Variants in SCRG1 observed in about 807,000 individuals in gnomAD.
SCRG1 encodes the protein stimulator of chondrogenesis 1.
A neutral mutation model predicts 7.7 loss-of-function variants in SCRG1; 3 were observed. That is an observed-to-expected ratio of 0.39 (90% confidence interval 0.18 to 1.01). The LOEUF is 1.01. SCRG1 is among the 50% of genes least tolerant of loss of function. SCRG1 has a pLI of 0.36. For missense variants in SCRG1, 110 were observed against 117.2 expected (o/e 0.94, Z 0.28); for synonymous variants, 46 against 41.2 (o/e 1.12, Z -0.44).
At chr4:173,506,800 C>T in the SCRG1 span, among the ~76,000 whole-genome samples, 1 of 152,150 alleles carries the variant, frequency 6.6e-6, no homozygotes, top group East Asian at 1.9e-4. This position sits in a 1 kb window ranked among gnomAD's most constrained non-coding sequence, Gnocchi z 5.3. Flanking sequence ...CATTCCGGGA[C>T]GGCGGTGTCT....
chr4:173,420,539 T>G, the SCRG1 span, among the ~76,000 whole-genome samples: 98 of 152,202 alleles, frequency 6.4e-4, no homozygotes, highest in African/African-American at 2.3e-3. Flanking sequence ...AACTATTGTG[T>G]CTGTTTATAC....
In SCRG1 at chr4:173,391,388, G is replaced by C; in HGVS notation, c.27C>G (p.Thr9=). The C allele has an allele frequency of 6.2e-7, 1 of 1,614,140 alleles. No individual in the cohort carries two copies. Among genetic ancestry groups the C allele is most frequent in the Non-Finnish European group, 8.5e-7 (1 of 1,180,028 alleles). MKLMVLVF[T]IGLTLLLGVQ... ...CTCCTAGCAGCAAAGTTAGCCCAAT[G>C]GTGAAAACAAGTACCATCAGTTTCA... is the stretch of plus-strand genomic sequence containing the variant. Residue 9 remains threonine (T), a synonymous_variant, in exon 2 of 3, where the codon ACC becomes ACG. Transcript: ENST00000296506.
chr4:173,440,116 G>A, the SCRG1 span, among the ~76,000 whole-genome samples: 1 of 152,178 alleles, frequency 6.6e-6, no homozygotes, highest in East Asian at 1.9e-4. Context: ...TGGCAAATGA[G>A]AAGCGCTACA....
chr4:173,473,747 C>G, the SCRG1 span, among the ~76,000 whole-genome samples: 1 of 152,188 alleles, frequency 6.6e-6, no homozygotes, highest in African/African-American at 2.4e-5. Flanking sequence ...GTTGCAGCCA[C>G]CACATCCCAG....
At chr4:173,484,093 C>CAATATAT in the SCRG1 span, among the ~76,000 whole-genome samples, 2 of 11,196 alleles carry the variant, frequency 1.8e-4, no homozygotes, top group African/African-American at 2.5e-4. Flanking sequence ...ATATAATATA[C>CAATATAT]CATATATAAT....
chr4:173,457,392 G>C, the SCRG1 span, among the ~76,000 whole-genome samples: 29 of 152,334 alleles, frequency 1.9e-4, 1 homozygote, highest in African/African-American at 7.0e-4. Context: ...GAAGATTCTG[G>C]AATAGAGCCA....
the SCRG1 span, among the ~76,000 whole-genome samples, chr4:173,414,815 C>T: frequency 6.6e-6 from 1 of 152,246 alleles, no homozygotes; most frequent in Non-Finnish European, 1.5e-5. Flanking sequence ...AACATCATCA[C>T]TTCAAGCACT....
chr4:173,415,338 T>C, the SCRG1 span, among the ~76,000 whole-genome samples: 1 of 152,192 alleles, frequency 6.6e-6, no homozygotes, highest in Non-Finnish European at 1.5e-5. Flanking sequence ...AGAACAGAGA[T>C]GCATTGTGTA....
chr4:173,419,639 C>T, the SCRG1 span: 4 of 733,294 alleles, frequency 5.5e-6, no homozygotes, highest in South Asian at 1.4e-5. Context: ...ACCAAGGAAT[C>T]GTTTGCTACT....
chr4:173,446,096 C>T, the SCRG1 span, among the ~76,000 whole-genome samples: 1 of 152,070 alleles, frequency 6.6e-6, no homozygotes, highest in African/African-American at 2.4e-5. Flanking sequence ...CTACAAAAAT[C>T]ATAAAGGATC....
the SCRG1 span, among the ~76,000 whole-genome samples, chr4:173,492,672 T>C: frequency 6.6e-6 from 1 of 152,198 alleles, no homozygotes; most frequent in Non-Finnish European, 1.5e-5. Flanking sequence ...GACTAGACAG[T>C]GGGCCATGGA....
At chr4:173,476,359 A>ATATATATATATATATATATATAT in the SCRG1 span, among the ~76,000 whole-genome samples, 24 of 24,272 alleles carry the variant, frequency 9.9e-4, no homozygotes, top group East Asian at 2.7e-3. Context: ...AGGGGGAAAA[A>ATATATATATATATATATATATAT]AAAAATATAT....
the SCRG1 span, among the ~76,000 whole-genome samples, chr4:173,497,731 C>T: frequency 8.5e-4 from 124 of 145,562 alleles, no homozygotes; most frequent in Admixed American, 1.5e-3. Context: ...AGTGCAGTGG[C>T]ACTGTGTCAG....
chr4:173,484,754 A>G, the SCRG1 span, among the ~76,000 whole-genome samples: 4,415 of 32,566 alleles, frequency 0.14, 77 homozygotes, highest in East Asian at 0.19. Context: ...TATATTATAT[A>G]CATATAATAC....
chr4:173,477,862 A>G, the SCRG1 span, among the ~76,000 whole-genome samples: 2 of 151,754 alleles, frequency 1.3e-5, no homozygotes, highest in African/African-American at 4.8e-5. Context: ...TTGACCTCTC[A>G]GTCTCAAGTG....
chr4:173,419,022 CAATGTCT>C, the SCRG1 span, among the ~76,000 whole-genome samples: 9 of 152,160 alleles, frequency 5.9e-5, no homozygotes, highest in African/African-American at 2.2e-4. Flanking sequence ...CATACTAATA[CAATGTCT>C]AATTTAACTA....
At chr4:173,421,969 A>T in the SCRG1 span, among the ~76,000 whole-genome samples, 1 of 152,246 alleles carries the variant, frequency 6.6e-6, no homozygotes, top group Non-Finnish European at 1.5e-5. Context: ...AATTGCAAGC[A>T]TGATCATCAC....
At chr4:173,412,317 C>T in the SCRG1 span, among the ~76,000 whole-genome samples, 9 of 152,190 alleles carry the variant, frequency 5.9e-5, no homozygotes, top group African/African-American at 1.7e-4. Context: ...TGAGTAGTTC[C>T]GCAAATCTCA....
the SCRG1 span, among the ~76,000 whole-genome samples, chr4:173,470,704 T>A: frequency 3.3e-5 from 5 of 152,226 alleles, no homozygotes; most frequent in Non-Finnish European, 5.9e-5. Context: ...TTGTGGGAAT[T>A]TTTAGAAGCA....
Sources: allele counts gnomAD v4.1 joint callset (sites outside exome capture counted in the v4.1 genomes callset), GRCh38; gene constraint gnomAD v4.1.1; non-coding constraint Gnocchi (gnomAD v3.1); transcripts MANE v1.5; gene names NCBI Gene and HGNC (gene_info 2026-07-23, HGNC 2026-07-21).